The following NAV2 variants were observed in gnomAD, a reference collection of about 807,000 sequenced individuals.
The protein encoded by NAV2 is helicase, APC down-regulated 1.
In NAV2, 54 loss-of-function variants were observed where a neutral mutation model predicts 223.2. That is an observed-to-expected ratio of 0.24 (90% CI 0.19 to 0.30). The LOEUF is 0.30. Ranked by LOEUF, NAV2 falls within the 10% of genes least tolerant of loss-of-function variation. The pLI is 1.00. For missense variants in NAV2, 2,806 were observed against 3,147.5 expected, an observed-to-expected ratio of 0.89 and a Z score of 2.60; for synonymous variants, 1,279 against 1,239.3, an observed-to-expected ratio of 1.03 and a Z score of -0.67.
intron 1 of NAV2, among the ~76,000 whole-genome samples, chr11:19,690,439 A>G (rs964342475): frequency 1.3e-5 from 2 of 152,126 alleles, no homozygotes; most frequent in African/African-American, 4.8e-5. Flanking sequence ...TCTGTGCTTT[A>G]ATTTCTTCAT....
At chr11:19,418,421 T>G (rs564106140) in intron 1 of NAV2, among the ~76,000 whole-genome samples, 1 of 152,360 alleles carries the variant, frequency 6.6e-6, no homozygotes, top group Admixed American at 6.5e-5. Flanking sequence ...AGCCCAGAGA[T>G]GCCTTCTCAC....
chr11:20,080,040 G>A, intron 24 of NAV2, 24 bp from the exon 25 acceptor site: 1 of 1,611,328 alleles, frequency 6.2e-7, no homozygotes, highest in Non-Finnish European at 8.5e-7. Context: ...GGCAGCTGCT[G>A]AAACACCCTG....
At chr11:19,873,654 C>G (rs1231308393) in intron 4 of NAV2, among the ~76,000 whole-genome samples, 2 of 152,114 alleles carry the variant, frequency 1.3e-5, no homozygotes, top group African/African-American at 4.8e-5. Flanking sequence ...AGCAGGAGGT[C>G]TTTCTGGACC....
intron 1 of NAV2, among the ~76,000 whole-genome samples, chr11:19,376,910 C>T (rs1564888406): frequency 6.6e-6 from 1 of 152,170 alleles, no homozygotes; most frequent in African/African-American, 2.4e-5. Flanking sequence ...TTCCTAGGCA[C>T]CACTTATTGG....
chr11:19,995,828 AT>A (rs887859019), intron 11 of NAV2, among the ~76,000 whole-genome samples: 2 of 151,934 alleles, frequency 1.3e-5, no homozygotes, highest in African/African-American at 2.4e-5. Context: ...AATTGTTTTT[AT>A]TTTTTTTGGG....
intron 1 of NAV2, among the ~76,000 whole-genome samples, chr11:19,703,805 A>G: frequency 6.6e-6 from 1 of 152,156 alleles, no homozygotes; most frequent in South Asian, 2.1e-4. Flanking sequence ...GCACCCAGAG[A>G]GCTTTCTCAA....
chr11:20,025,356 C>G (rs151140797), intron 11 of NAV2, among the ~76,000 whole-genome samples: 1 of 152,214 alleles, frequency 6.6e-6, no homozygotes, highest in African/African-American at 2.4e-5. Context: ...GGAAATATAT[C>G]TTCTGGTAAA....
intron 1 of NAV2, among the ~76,000 whole-genome samples, chr11:19,594,380 C>T (rs2046145778): frequency 6.6e-6 from 1 of 151,344 alleles, no homozygotes; most frequent in African/African-American, 2.4e-5. Flanking sequence ...CTACCTTTCT[C>T]CTGTGCTGCA....
At chr11:19,777,102 C>G (rs865882710) in intron 1 of NAV2, among the ~76,000 whole-genome samples, 27 of 150,848 alleles carry the variant, frequency 1.8e-4, no homozygotes, top group East Asian at 5.9e-4. Context: ...GACCCCCCCC[C>G]CCACCCCGCC....
intron 10 of NAV2, chr11:19,978,674 T>A (rs1380464150): frequency 3.2e-5 from 2 of 61,742 alleles, no homozygotes; most frequent in Non-Finnish European, 7.0e-5. Context: ...TTTTTTTTTA[T>A]GTCATGCTCT....
intron 1 of NAV2, among the ~76,000 whole-genome samples, chr11:19,826,362 C>T (rs115796309): frequency 0.013 from 2,045 of 152,298 alleles, 51 homozygotes; most frequent in African/African-American, 0.047. Flanking sequence ...GACAGGAAGC[C>T]TGCTTGCTTT....
chr11:19,978,649 G>A (rs1445957368), intron 10 of NAV2: 13 of 90,932 alleles, frequency 1.4e-4, no homozygotes, highest in African/African-American at 6.1e-4. Context: ...GCATCTGAGA[G>A]GTTTTTTTTT....
chr11:19,976,363 C>T (rs1016805479), intron 10 of NAV2, among the ~76,000 whole-genome samples: 1 of 152,148 alleles, frequency 6.6e-6, no homozygotes, highest in African/African-American at 2.4e-5. Context: ...GCGACTCCCA[C>T]GCTATCTCTT....
At chr11:19,484,143 C>CACACACAA (rs762603941) in intron 1 of NAV2, among the ~76,000 whole-genome samples, 41 of 151,518 alleles carry the variant, frequency 2.7e-4, no homozygotes, top group Non-Finnish European at 3.7e-4. Context: ...CACACACACA[C>CACACACAA]ACACACACAC....
intron 1 of NAV2, among the ~76,000 whole-genome samples, chr11:19,392,750 C>G (rs1849298909): frequency 6.6e-6 from 1 of 152,190 alleles, no homozygotes; most frequent in South Asian, 2.1e-4. Flanking sequence ...TGCAGCCATG[C>G]TTAAAACTGC....
chr11:19,709,358 T>A (rs146055220), upstream of NAV2, among the ~76,000 whole-genome samples: 3 of 151,862 alleles, frequency 2.0e-5, no homozygotes, highest in South Asian at 2.1e-4. Flanking sequence ...CTGGCTAACA[T>A]GGTGGAACCC....
chr11:19,648,534 G>A (rs893385041), intron 1 of NAV2, among the ~76,000 whole-genome samples: 16 of 152,178 alleles, frequency 1.1e-4, no homozygotes, highest in Non-Finnish European at 2.2e-4. Context: ...GTGCCCAAGG[G>A]TCATGAGTCT....
chr11:19,871,628 G>C (rs567578228), intron 4 of NAV2, among the ~76,000 whole-genome samples: 2 of 152,172 alleles, frequency 1.3e-5, no homozygotes, highest in African/African-American at 4.8e-5. Flanking sequence ...GATCCCTCCG[G>C]TACCTACCAT....
intron 1 of NAV2, among the ~76,000 whole-genome samples, chr11:19,488,065 C>T (rs1361788818): frequency 6.6e-6 from 1 of 152,180 alleles, no homozygotes; most frequent in African/African-American, 2.4e-5. Flanking sequence ...CCTCCTCCAG[C>T]TTCAGGAAAG....
Sources: gnomAD v4.1 joint callset for allele counts (sites outside exome capture counted in the v4.1 genomes callset) on GRCh38, gnomAD v4.1.1 for gene constraint, MANE v1.5 for transcripts, NCBI Gene and HGNC (gene_info 2026-07-23, HGNC 2026-07-21) for gene names.